UBAP1L: variants seen among roughly 807,000 people sequenced by gnomAD.
UBAP1L encodes the protein ubiquitin associated protein 1 like, also known as ubiquitin-associated protein 1-like.
UBAP1L carries 32 observed loss-of-function variants against 32.1 expected under a neutral mutation model. That is an observed-to-expected ratio of 1.00 (90% CI 0.75 to 1.34). The LOEUF is 1.34. Ranked by LOEUF, UBAP1L falls within the 40% of genes most tolerant of loss-of-function variation. The pLI is 0.00. For synonymous variants in UBAP1L, 243 were observed against 250.2 expected (o/e 0.97, Z 0.27); for missense variants, 516 against 540.5 (o/e 0.95, Z 0.45).
At chr15:65,114,403 G>C (rs2087389887) in intron 1 of UBAP1L, among the ~76,000 whole-genome samples, 1 of 152,016 alleles carries the variant, frequency 6.6e-6, no homozygotes, top group Non-Finnish European at 1.5e-5. Context: ...TGATTATTGG[G>C]TTAATATCTA....
intron 1 of UBAP1L, among the ~76,000 whole-genome samples, chr15:65,109,872 T>C (rs112935992): frequency 3.3e-5 from 5 of 152,308 alleles, no homozygotes; most frequent in African/African-American, 1.2e-4. Context: ...TCACTGTTGG[T>C]CAGAAAGTCA....
chr15:65,105,385 G>C, intron 2 of UBAP1L: 1 of 285,520 alleles, frequency 3.5e-6, no homozygotes, highest in Non-Finnish European at 6.7e-6. Flanking sequence ...AGGCTGAGGT[G>C]GGAGGATCGC....
chr15:65,099,470 A>C, intron 4 of UBAP1L, 35 bp downstream of exon 4: 1 of 1,542,832 alleles, frequency 6.5e-7, no homozygotes, highest in Non-Finnish European at 8.8e-7. Context: ...TGGCTCCAGC[A>C]TCACAGCTCA....
intron 4 of UBAP1L, chr15:65,097,641 A>T (rs766303243): frequency 1.3e-5 from 2 of 152,162 alleles, no homozygotes; most frequent in Non-Finnish European, 2.9e-5. Context: ...TCAGAGAGAG[A>T]GATTCATGCA....
chr15:65,094,593 C>CAGAG lies in UBAP1L; in HGVS notation c.910-21_910-18dup, dbSNP rs1595918032. 3.9e-6 allele frequency: 6 copies of CAGAG among 1,543,340 alleles called. No homozygotes were observed. In the East Asian group the frequency reaches 1.5e-4, roughly 38 times the overall value. ...GCTGAGAAACTGGGCCGGAAGCGGG[C>CAGAG]AGAGAGGGAGGGAGGGTAAGAGGAG... On this transcript the variant is annotated splice_polypyrimidine_tract_variant and intron_variant, in intron 4 of 5. Transcript: ENST00000559089. The surrounding 1 kb of genome is among the most constrained non-coding windows in gnomAD (Gnocchi z 4.2).
Position 65,093,061 on chromosome 15 carries a change from G to T in UBAP1L, c.*36C>A. On this transcript the variant is annotated 3_prime_UTR_variant, in exon 6 of 6. Transcript: ENST00000559089. ...GATGGGTTGCCAGGTCTGGCATTGG[G>T]CCTAGATGCCCAGGCATCGTGGAGT... is the stretch of plus-strand genomic sequence containing the variant. 1 of 1,535,460 alleles carries T rather than the reference G, an allele frequency of 6.5e-7. No individual in the cohort carries two copies. Among genetic ancestry groups the T allele is most frequent in the Non-Finnish European group, 8.7e-7 (1 of 1,142,988 alleles).
At position 65,102,334 on chromosome 15, in the gene UBAP1L, C is replaced by G; in HGVS notation, c.471G>C (p.Gly157=). The change falls in exon 3 of 6, where the codon GGG becomes GGC. Residue 157 remains glycine (G), a synonymous_variant. Transcript: ENST00000559089. The surrounding 1 kb of genome is among the most constrained non-coding windows in gnomAD (Gnocchi z 5.0). The part of the protein sequence containing the change: ...VLRGVRLELA[G]ARRRLSEGKL... The stretch of plus-strand genomic sequence containing the variant: ...TCCCCTCGGAGAGCCGCCGCCGCGC[C>G]CCTGCCAGCTCCAACCGCACGCCGC... 1 of 1,458,656 alleles carries G rather than the reference C, an allele frequency of 6.9e-7. No homozygotes were observed. The highest frequency in any genetic ancestry group is 1.3e-5 in the South Asian group (1 of 75,938). The allele number at this position is 1,458,656 out of a possible 1,614,324, so 90.4% of individuals were successfully genotyped here.
Position 65,093,245 on chromosome 15 carries a change from G to T in UBAP1L, c.1012-14C>A. The T allele has an allele frequency of 1.3e-6, 2 of 1,537,164 alleles. No individual in the cohort carries two copies. The highest frequency in any genetic ancestry group is 8.8e-7 in the Non-Finnish European group (1 of 1,141,940). ...GAACTCCCCTGCCTGAGGAAGAGGA[G>T]ACAGGGAGGGTGCTGGGGGCTCTGC... On this transcript the variant is annotated splice_polypyrimidine_tract_variant and intron_variant, in intron 5 of 5. Coordinates refer to ENST00000559089, the MANE Select transcript of UBAP1L (RefSeq NM_001163692.2).
chr15:65,097,118 G>A (rs2087183652), intron 4 of UBAP1L: 1 of 152,294 alleles, frequency 6.6e-6, no homozygotes, highest in Non-Finnish European at 1.5e-5. Context: ...AGAGATCCAG[G>A]GGGCCAGGCA....
At position 65,106,098 on chromosome 15, in the gene UBAP1L, T is replaced by C. The variant is rs968525713; in HGVS notation, c.118A>G (p.Met40Val). Reference protein sequence around the residue: ...PACGEVLLGSMHDFSLERTAL... With the variant: ...PACGEVLLGSVHDFSLERTAL... ...CAGAAACACAGAGACACACTTACCA[T>C]AGAACCCAGCAGAACTTCCCCGCAG... is the stretch of plus-strand genomic sequence containing the variant. The change falls in exon 2 of 6, where the codon ATG (methionine) becomes GTG (valine). Residue 40 changes from methionine (M) to valine (V), a missense_variant and splice_region_variant. Physicochemically the swap from Met to Val is conservative, Grantham distance 21. Transcript: ENST00000559089. The C allele has an allele frequency of 1.0e-5, 16 of 1,551,298 alleles. No homozygotes were observed. The highest frequency in any genetic ancestry group is 1.4e-5 in the Non-Finnish European group (16 of 1,146,910).
Position 65,094,703 on chromosome 15 carries a change from G to T in UBAP1L, c.910-127C>A. The T allele has an allele frequency of 1.4e-6, 1 of 732,942 alleles. No homozygotes were observed. The highest frequency in any genetic ancestry group is 2.4e-6 in the Non-Finnish European group (1 of 417,522). 45.4% of individuals were successfully genotyped at this position (732,942 alleles called of 1,614,324 possible). ...AACAGGGCAAGCCACCACCTGCAGC[G>T]TGGCCCCAGAGAGCCCGTGAACCCA... On this transcript the variant is annotated intron_variant, in intron 4 of 5. Coordinates refer to ENST00000559089, the MANE Select transcript of UBAP1L (RefSeq NM_001163692.2). The surrounding 1 kb of genome is among the most constrained non-coding windows in gnomAD (Gnocchi z 4.2).
chr15:65,099,078 G>T (rs753884226), intron 4 of UBAP1L: 1 of 158,374 alleles, frequency 6.3e-6, no homozygotes, highest in Admixed American at 6.3e-5. Flanking sequence ...ATGAGTCTCC[G>T]CCATACTTCC....
chr15:65,097,759 A>G (rs2087193320), intron 4 of UBAP1L: 1 of 152,174 alleles, frequency 6.6e-6, no homozygotes, highest in African/African-American at 2.4e-5. Flanking sequence ...ATGAACCCAG[A>G]GTAGAGTAGA....
At chr15:65,101,099 G>C (rs2087234606) in intron 3 of UBAP1L, 1 of 152,226 alleles carries the variant, frequency 6.6e-6, no homozygotes. Context: ...TCAGTGACTT[G>C]CCTAAGGTCA....
chr15:65,096,629 A>G (rs1037498134), intron 4 of UBAP1L: 12 of 152,182 alleles, frequency 7.9e-5, no homozygotes, highest in African/African-American at 2.9e-4. Context: ...CCTTAAGGCC[A>G]CCGGAGGGGG....
chr15:65,100,064 T>C (rs541244025), intron 3 of UBAP1L: 13 of 172,138 alleles, frequency 7.6e-5, no homozygotes, highest in Admixed American at 4.9e-4. Flanking sequence ...ACCAACGTGG[T>C]GAAACCCTGC....
intron 1 of UBAP1L, among the ~76,000 whole-genome samples, chr15:65,110,620 G>A (rs1277026445): frequency 4.0e-5 from 6 of 150,254 alleles, no homozygotes; most frequent in Non-Finnish European, 5.9e-5. Flanking sequence ...AGGAGGCGGA[G>A]GTTGAGGTGA....
At chr15:65,113,549 A>T (rs1420303069) in intron 1 of UBAP1L, among the ~76,000 whole-genome samples, 2 of 152,142 alleles carry the variant, frequency 1.3e-5, no homozygotes, top group Non-Finnish European at 2.9e-5. Flanking sequence ...GGAGTTCGAG[A>T]CCTGCCTGGC....
chr15:65,114,774 A>C (rs1256932169), intron 1 of UBAP1L, among the ~76,000 whole-genome samples: 1 of 152,224 alleles, frequency 6.6e-6, no homozygotes, highest in African/African-American at 2.4e-5. Context: ...ACTGTTCTAC[A>C]CAGTTATGCA....
Sources: allele counts gnomAD v4.1 joint callset (sites outside exome capture counted in the v4.1 genomes callset), GRCh38; gene constraint gnomAD v4.1.1; non-coding constraint Gnocchi (gnomAD v3.1); transcripts MANE v1.5; gene names NCBI Gene and HGNC (gene_info 2026-07-23, HGNC 2026-07-21).